Variants in PCBP3 observed in about 807,000 individuals in gnomAD.
The protein encoded by PCBP3 is poly(rC) binding protein 3.
A neutral mutation model predicts 52.7 loss-of-function variants in PCBP3; 25 were observed. The observed-to-expected ratio is 0.47, with a 90% CI of 0.35 to 0.66. The LOEUF is 0.66. PCBP3 is among the 30% of genes least tolerant of loss of function. The pLI is 0.01. For missense variants in PCBP3, 391 were observed against 490.3 expected (o/e 0.80, Z 1.91); for synonymous variants, 162 against 183.0 (o/e 0.89, Z 0.93).
At chr21:45,806,269 T>C (rs781220159) in intron 4 of PCBP3, among the ~76,000 whole-genome samples, 2 of 152,136 alleles carry the variant, frequency 1.3e-5, no homozygotes, top group African/African-American at 2.4e-5. Context: ...GCCAAGTGCA[T>C]GCAGAGACTC....
At chr21:45,702,627 A>T (rs1298293303) in intron 2 of PCBP3, among the ~76,000 whole-genome samples, 2 of 152,240 alleles carry the variant, frequency 1.3e-5, no homozygotes. Context: ...GCCTTCAGTG[A>T]GTCATCATCT....
chr21:45,722,160 G>C (rs1210895681), intron 2 of PCBP3, among the ~76,000 whole-genome samples: 3 of 152,160 alleles, frequency 2.0e-5, no homozygotes, highest in Non-Finnish European at 4.4e-5. Flanking sequence ...AACACAATGA[G>C]ATATTAGAAA....
chr21:45,867,497 CGGA>C (rs2094791423), intron 5 of PCBP3, among the ~76,000 whole-genome samples: 1 of 152,254 alleles, frequency 6.6e-6, no homozygotes, highest in African/African-American at 2.4e-5. Flanking sequence ...TCACCGCACG[CGGA>C]GGGTGCGGGC....
At chr21:45,739,342 A>T (rs13048172) in intron 3 of PCBP3, among the ~76,000 whole-genome samples, 11,483 of 26,180 alleles carry the variant, frequency 0.44, 1,248 homozygotes, top group Middle Eastern at 0.57. Context: ...CCCATCTTCA[A>T]CAGCCCACCC....
At chr21:45,690,530 G>T (rs2082397480) in intron 2 of PCBP3, among the ~76,000 whole-genome samples, 1 of 152,034 alleles carries the variant, frequency 6.6e-6, no homozygotes, top group South Asian at 2.1e-4. Context: ...TTTACAAAAT[G>T]AAAAGGCAAA....
At chr21:45,782,135 A>G (rs1338679428) in intron 4 of PCBP3, among the ~76,000 whole-genome samples, 1 of 152,136 alleles carries the variant, frequency 6.6e-6, no homozygotes, top group Admixed American at 6.5e-5. Flanking sequence ...TTTAACCATG[A>G]TGTTCAGTAC....
chr21:45,913,867 G>T, intron 11 of PCBP3, 84 bp from the exon 12 acceptor site: 1 of 1,270,662 alleles, frequency 7.9e-7, no homozygotes, highest in Non-Finnish European at 1.1e-6. Flanking sequence ...GGGGCTGAGT[G>T]GGGTGGGCCG....
intron 5 of PCBP3, among the ~76,000 whole-genome samples, chr21:45,886,118 C>T (rs985145640): frequency 4.0e-5 from 4 of 101,264 alleles, no homozygotes; most frequent in Admixed American, 1.1e-4. Flanking sequence ...GGCCTCATTG[C>T]CGCTGGTACC....
At chr21:45,919,700 G>A (rs1259334090) in intron 13 of PCBP3, among the ~76,000 whole-genome samples, 1 of 152,200 alleles carries the variant, frequency 6.6e-6, no homozygotes, top group Non-Finnish European at 1.5e-5. Context: ...GGGGTCAGCT[G>A]TAGACACCAG....
At chr21:45,706,614 T>C (rs902194915) in intron 2 of PCBP3, among the ~76,000 whole-genome samples, 5 of 152,236 alleles carry the variant, frequency 3.3e-5, no homozygotes, top group Non-Finnish European at 7.3e-5. Context: ...GGAAAGATTT[T>C]TGGCTTAATC....
chr21:45,804,174 G>T (rs549177373), intron 4 of PCBP3, among the ~76,000 whole-genome samples: 1 of 151,198 alleles, frequency 6.6e-6, no homozygotes, highest in African/African-American at 2.5e-5. Context: ...TTGCTGTTTC[G>T]CTTGGCACCT....
intron 1 of PCBP3, among the ~76,000 whole-genome samples, chr21:45,665,703 C>T (rs1116982): frequency 0.31 from 47,391 of 151,936 alleles, 8,754 homozygotes; most frequent in East Asian, 0.66. Context: ...AAAGAAGAAC[C>T]GGTACTAATC....
intron 13 of PCBP3, chr21:45,918,442 T>C (rs1278552156): frequency 1.3e-5 from 1 of 74,460 alleles, no homozygotes; most frequent in Non-Finnish European, 2.9e-5. Context: ...GTAATTCCAG[T>C]GCTGGAGGAA....
intron 9 of PCBP3, among the ~76,000 whole-genome samples, chr21:45,901,945 C>G (rs544467274): frequency 8.5e-4 from 130 of 152,312 alleles, no homozygotes; most frequent in African/African-American, 3.0e-3. Context: ...AAGACCCCTC[C>G]AAGGGAGAAT....
intron 2 of PCBP3, among the ~76,000 whole-genome samples, chr21:45,702,509 A>G (rs1025244202): frequency 1.3e-5 from 2 of 152,240 alleles, no homozygotes; most frequent in African/African-American, 4.8e-5. Flanking sequence ...AACAAAAGTT[A>G]TGTTTACACT....
In PCBP3 at chr21:45,849,976, G is replaced by A. The variant is rs1240243496; in HGVS notation, c.-110G>A. The A allele has an allele frequency of 1.3e-5, 14 of 1,077,482 alleles. No individual in the cohort carries two copies. The highest frequency in any genetic ancestry group is 2.6e-5 in the East Asian group (1 of 38,688). The allele number at this position is 1,077,482 out of a possible 1,614,324, so 66.7% of individuals were successfully genotyped here. ...TGTGTTTTAGGTCGGTAGGCTCCAC[G>A]ACAAAAGTCAACCCTTCTGTAAATC... is the stretch of plus-strand genomic sequence containing the variant. On this transcript the variant is annotated 5_prime_UTR_variant, in exon 5 of 18. Coordinates refer to ENST00000681687, the MANE Select transcript of PCBP3 (RefSeq NM_001384156.1).
chr21:45,666,419 T>G (rs1040202857), intron 1 of PCBP3, among the ~76,000 whole-genome samples: 2 of 152,240 alleles, frequency 1.3e-5, no homozygotes, highest in African/African-American at 2.4e-5. Flanking sequence ...CTTTTATATT[T>G]ACCATTATAG....
chr21:45,912,920 C>T (rs558710218), intron 11 of PCBP3, among the ~76,000 whole-genome samples: 36 of 152,192 alleles, frequency 2.4e-4, no homozygotes, highest in Non-Finnish European at 3.7e-4. Flanking sequence ...ATCCAGCCAC[C>T]CACTCCCCAT....
At chr21:45,824,252 T>C (rs1555957512) in intron 4 of PCBP3, among the ~76,000 whole-genome samples, 1 of 152,246 alleles carries the variant, frequency 6.6e-6, no homozygotes, top group Non-Finnish European at 1.5e-5. Context: ...ATCACATCAC[T>C]GCCCTCAGGT....
Sources: allele counts gnomAD v4.1 joint callset (sites outside exome capture counted in the v4.1 genomes callset), GRCh38; gene constraint gnomAD v4.1.1; transcripts MANE v1.5; gene names NCBI Gene and HGNC (gene_info 2026-07-23, HGNC 2026-07-21).